ERBIN: variants seen among roughly 807,000 people sequenced by gnomAD.
The protein encoded by ERBIN is erbb2 interacting protein.
A neutral mutation model predicts 158.4 loss-of-function variants in ERBIN; 60 were observed. The observed-to-expected ratio is 0.38, with a 90% CI of 0.31 to 0.47. The LOEUF (loss-of-function observed/expected upper bound fraction) is 0.47, where lower values mean the gene tolerates loss of function less well. ERBIN is among the 20% of genes least tolerant of loss of function. ERBIN has a pLI of 0.99. For missense variants in ERBIN, 1,610 were observed against 1,648.0 expected, an observed-to-expected ratio of 0.98 and a Z score of 0.40; for synonymous variants, 594 against 557.2, an observed-to-expected ratio of 1.07 and a Z score of -0.93.
intron 1 of ERBIN, among the ~76,000 whole-genome samples, chr5:65,975,233 C>G (rs1268840522): frequency 6.6e-6 from 1 of 152,096 alleles, no homozygotes; most frequent in Non-Finnish European, 1.5e-5. Flanking sequence ...GTCTCAAATT[C>G]CTGACCTCAA....
intron 2 of ERBIN, among the ~76,000 whole-genome samples, chr5:65,989,845 C>G (rs965570810): frequency 1.3e-5 from 2 of 151,168 alleles, no homozygotes; most frequent in South Asian, 4.3e-4. Context: ...GAATTCTTTC[C>G]CATTCTTAAG....
intron 1 of ERBIN, among the ~76,000 whole-genome samples, chr5:65,966,925 TAA>T (rs1355576149): frequency 2.6e-5 from 4 of 151,856 alleles, no homozygotes; most frequent in Non-Finnish European, 5.9e-5. Context: ...CCAAAAAGTT[TAA>T]AAAGTTAAAA....
chr5:66,056,694 G>C (rs549294673), intron 21 of ERBIN, among the ~76,000 whole-genome samples: 2 of 152,220 alleles, frequency 1.3e-5, no homozygotes, highest in South Asian at 4.1e-4. Context: ...TATGAGAAAA[G>C]AAACAGGGCA....
intron 1 of ERBIN, among the ~76,000 whole-genome samples, chr5:65,964,095 G>C (rs767681140): frequency 1.1e-4 from 16 of 152,142 alleles, no homozygotes; most frequent in Non-Finnish European, 2.2e-4. Flanking sequence ...CACTGCGCCT[G>C]GCCGGTGTGA....
In ERBIN at chr5:65,992,918, ACTTT is replaced by A. The variant is rs1752032622; in HGVS notation, c.189+17_189+20del. 2.6e-6 allele frequency: 4 copies of A among 1,524,546 alleles called. No individual in the cohort carries two copies. Among genetic ancestry groups the A allele is most frequent in the African/African-American group, 1.4e-5 (1 of 71,404 alleles). The allele number at this position is 1,524,546 out of a possible 1,614,324, so 94.4% of individuals were successfully genotyped here. A position where few individuals can be genotyped will look rare whatever the true frequency, so the allele number is the denominator to read the frequency against. On this transcript the variant is annotated intron_variant, in intron 3 of 25. Transcript: ENST00000284037. ...GAAGAGCTTCCAAAGGTATGCTAAT[ACTTT>A]CTTTCAAGAATTATCTTTGGTTATT...
In ERBIN at chr5:65,992,759, G is replaced by T. The variant is rs1180955406; in HGVS notation, c.41G>T (p.Cys14Phe). 2 of 1,612,886 alleles carry T rather than the reference G, an allele frequency of 1.2e-6. No homozygotes were observed. Among genetic ancestry groups the T allele is most frequent in the South Asian group, 1.1e-5 (1 of 90,724 alleles). The change falls in exon 3 of 26, where the codon TGT becomes TTT. Residue 14 changes from cysteine to phenylalanine, a missense_variant. Cys to Phe is a radical substitution (Grantham distance 205). Around this residue, in one of 2 missense-constraint regions of ERBIN, gnomAD observed 596 missense variants for 711.9 expected, o/e 0.84. Transcript: ENST00000284037. ...AGTTTGTTTGTGCGGTTGGTACCAT[G>T]TCGCTGTCTACGAGGGGAAGAGGAG... Reference protein sequence around the residue: ...KRSLFVRLVPCRCLRGEEETV... With the variant: ...KRSLFVRLVPFRCLRGEEETV...
intron 1 of ERBIN, among the ~76,000 whole-genome samples, chr5:65,942,396 A>C (rs926818760): frequency 6.6e-6 from 1 of 152,188 alleles, no homozygotes; most frequent in African/African-American, 2.4e-5. Context: ...GGTGTTAGAG[A>C]AAAAAAGAGT....
intron 1 of ERBIN, among the ~76,000 whole-genome samples, chr5:65,927,950 G>A (rs1425468288): frequency 1.3e-5 from 2 of 152,050 alleles, no homozygotes; most frequent in East Asian, 3.8e-4. Context: ...ATACAATACT[G>A]TACTTTTGAA....
At chr5:66,058,941 T>C (rs1759935431) in intron 21 of ERBIN, among the ~76,000 whole-genome samples, 1 of 152,222 alleles carries the variant, frequency 6.6e-6, no homozygotes, top group Admixed American at 6.5e-5. Flanking sequence ...TACTGTAGCC[T>C]TGTAGTGTAG....
At chr5:65,939,283 G>A (rs563187270) in intron 1 of ERBIN, among the ~76,000 whole-genome samples, 1 of 152,064 alleles carries the variant, frequency 6.6e-6, no homozygotes, top group Non-Finnish European at 1.5e-5. Flanking sequence ...CTAAAAATAC[G>A]AAAATTAGCC....
intron 1 of ERBIN, among the ~76,000 whole-genome samples, chr5:65,982,793 CTA>C (rs900771809): frequency 7.1e-4 from 108 of 152,306 alleles, no homozygotes; most frequent in African/African-American, 2.6e-3. Flanking sequence ...TACTTATAGA[CTA>C]TGACTCAGCA....
At chr5:66,065,605 G>C (rs1382578063) in intron 21 of ERBIN, among the ~76,000 whole-genome samples, 2 of 23,240 alleles carry the variant, frequency 8.6e-5, no homozygotes, top group Admixed American at 1.1e-3. Flanking sequence ...GTGTGTGTGT[G>C]TGTGTGTGTG....
At position 66,080,621 on chromosome 5, in the gene ERBIN, C is replaced by T. The variant is rs965424360; in HGVS notation, c.*2091C>T. 6.6e-6 allele frequency: 1 copy of T among 151,910 alleles called. No individual in the cohort carries two copies. The highest frequency in any genetic ancestry group is 2.4e-5 in the African/African-American group (1 of 41,396). 9.4% of individuals were successfully genotyped at this position (151,910 alleles called of 1,614,324 possible). A position where few individuals can be genotyped will look rare whatever the true frequency, so the allele number is the denominator to read the frequency against. ...GATTTCAGATTTTCACAGGCACATT[C>T]TACTTTTAATCAGAAATATATTTAA... On this transcript the variant is annotated 3_prime_UTR_variant, in exon 26 of 26. Transcript: ENST00000284037.
chr5:66,063,608 A>G lies in ERBIN; in HGVS notation c.3634-8561A>G, dbSNP rs916246189. On this transcript the variant is annotated intron_variant, in intron 21 of 25. Transcript: ENST00000284037. ...CCCGGTACCTCAGTTGGAAGTGCAG[A>G]AAACACCCGTCTTCTGCGTCGCTCA... is the stretch of plus-strand genomic sequence containing the variant. Among the ~76,000 whole-genome samples the G allele has an allele frequency of 2.0e-5, 3 of 152,190 alleles. No individual in the cohort carries two copies. In the South Asian group the frequency reaches 6.2e-4, roughly 32 times the overall value.
At chr5:66,049,131 A>G (rs1758765981) in intron 19 of ERBIN, among the ~76,000 whole-genome samples, 2 of 152,094 alleles carry the variant, frequency 1.3e-5, no homozygotes, top group Admixed American at 1.3e-4. Context: ...GGATTTTTGC[A>G]TCAAATAGGC....
chr5:66,063,988 A>G lies in ERBIN; in HGVS notation c.3634-8181A>G, dbSNP rs192924771. Among the ~76,000 whole-genome samples the G allele has an allele frequency of 1.2e-3, 188 of 152,330 alleles. 1 individual carries two copies. Among genetic ancestry groups the G allele is most frequent in the African/African-American group, 4.4e-3 (182 of 41,576 alleles). On this transcript the variant is annotated intron_variant, in intron 21 of 25. Transcript: ENST00000284037. Reference sequence around the variant, plus strand: ...TTCAGAAAATATAGTTCAGAAGATTATTTCATAGTTTAGGTAATAACTGGT... The same window carrying G: ...TTCAGAAAATATAGTTCAGAAGATTGTTTCATAGTTTAGGTAATAACTGGT...
At position 66,053,829 on chromosome 5, in the gene ERBIN, A is replaced by C; in HGVS notation, c.2511A>C (p.Glu837Asp). The C allele has an allele frequency of 1.2e-6, 2 of 1,614,104 alleles. No individual in the cohort carries two copies. Among genetic ancestry groups the C allele is most frequent in the South Asian group, 2.2e-5 (2 of 91,082 alleles). The change falls in exon 21 of 26, where the codon GAA (glutamate) becomes GAC (aspartate). Residue 837 changes from glutamate to aspartate, a missense_variant. This residue lies in a region of ERBIN where 1,014 missense variants were observed against 936.1 expected (regional missense o/e 1.08). Transcript: ENST00000284037. ...EETSQSPNRT[E>D]PHDSDCSVDL... ...CTTCCCAGTCTCCTAATAGGACTGA[A>C]CCACATGACAGTGATTGTTCTGTTG...
At chr5:66,042,825 C>G (rs932529634) in intron 15 of ERBIN, among the ~76,000 whole-genome samples, 2 of 152,016 alleles carry the variant, frequency 1.3e-5, no homozygotes, top group African/African-American at 4.8e-5. Flanking sequence ...TTCAGGAACC[C>G]TTCTGGTAAG....
At chr5:65,937,660 G>A (rs527270652) in intron 1 of ERBIN, among the ~76,000 whole-genome samples, 1 of 152,264 alleles carries the variant, frequency 6.6e-6, no homozygotes, top group East Asian at 1.9e-4. Flanking sequence ...TGTAATCCCA[G>A]CACTTTGGGA....
Sources: allele counts gnomAD v4.1 joint callset (sites outside exome capture counted in the v4.1 genomes callset), GRCh38; gene constraint gnomAD v4.1.1; regional missense constraint gnomAD v4.1.1; transcripts MANE v1.5; gene names NCBI Gene and HGNC (gene_info 2026-07-23, HGNC 2026-07-21).